SLC6A16: variants seen among roughly 807,000 people sequenced by gnomAD.
SLC6A16 encodes the protein solute carrier family 6 member 16, also known as orphan sodium- and chloride-dependent neurotransmitter transporter NTT5.
A neutral mutation model predicts 65.4 loss-of-function variants in SLC6A16; 54 were observed. The ratio of observed to expected loss-of-function variants is 0.83; its 90% CI spans 0.66 to 1.04. SLC6A16 has a LOEUF of 1.04. SLC6A16 is among the 50% of genes least tolerant of loss of function. SLC6A16 has a pLI of 0.00. For missense variants in SLC6A16, 816 were observed against 914.0 expected (o/e 0.89, Z 1.38); for synonymous variants, 330 against 346.5 (o/e 0.95, Z 0.53).
chr19:49,305,924 A>G (rs1428950833), intron 7 of SLC6A16: 2 of 152,164 alleles, frequency 1.3e-5, no homozygotes, highest in Non-Finnish European at 2.9e-5. Context: ...AACTGGAAAG[A>G]CTCCAAATGT....
At chr19:49,332,688 G>A in the SLC6A16 span, among the ~76,000 whole-genome samples, 12 of 152,154 alleles carry the variant, frequency 7.9e-5, no homozygotes, top group Non-Finnish European at 1.5e-5. Flanking sequence ...CACAAGTTCT[G>A]GGGATTAGGA....
chr19:49,310,439 C>G lies in SLC6A16; in HGVS notation c.487G>C (p.Ala163Pro). ...CCACCCTGACGCATGCTCTGACCAG[C>G]TGCCATCTCCAGGAAGAGAAGAGGA... ...GVPLLFLEMAAGQSMRQGGMG... is the reference protein window; with the variant it reads ...GVPLLFLEMAPGQSMRQGGMG... Residue 163 changes from alanine (A) to proline (P), a missense_variant, in exon 3 of 12, where the codon GCT becomes CCT. Transcript: ENST00000335875. The G allele has an allele frequency of 6.2e-7, 1 of 1,614,126 alleles. No individual in the cohort carries two copies. The highest frequency in any genetic ancestry group is 8.5e-7 in the Non-Finnish European group (1 of 1,180,016).
At chr19:49,339,959 A>G in the SLC6A16 span, 5 of 1,406,260 alleles carry the variant, frequency 3.6e-6, no homozygotes, top group Non-Finnish European at 4.6e-6. This position sits in a 1 kb window ranked among gnomAD's most constrained non-coding sequence, Gnocchi z 4.5. Context: ...GCACAATTAG[A>G]GGCTGAGGCA....
intron 10 of SLC6A16, 45 bp from the exon 11 acceptor site, chr19:49,290,812 C>A: frequency 6.5e-7 from 1 of 1,540,240 alleles, no homozygotes; most frequent in Non-Finnish European, 8.8e-7. Context: ...TTAGGCCTCA[C>A]CACCTTGGAG....
the SLC6A16 span, among the ~76,000 whole-genome samples, chr19:49,339,156 G>C: frequency 6.6e-6 from 1 of 152,086 alleles, no homozygotes; most frequent in African/African-American, 2.4e-5. The surrounding 1 kb of genome is among the most constrained non-coding windows in gnomAD (Gnocchi z 4.5). Context: ...CTAGGGAGGG[G>C]CCAGGCTTGG....
At chr19:49,339,191 G>A in the SLC6A16 span, 2 of 786,660 alleles carry the variant, frequency 2.5e-6, no homozygotes, top group Non-Finnish European at 4.3e-6. This position sits in a 1 kb window ranked among gnomAD's most constrained non-coding sequence, Gnocchi z 4.5. Flanking sequence ...GGGTGCACTA[G>A]TAAGGAGACT....
In SLC6A16 at chr19:49,303,961, C is replaced by T. The variant is rs560431345; in HGVS notation, c.1229+4915G>A. 1.2e-4 allele frequency among the ~76,000 whole-genome samples: 18 copies of T among 152,268 alleles called. No homozygotes were observed. In the East Asian group the frequency reaches 3.5e-3, roughly 29 times the overall value. ...ATAATGGACCTCAGATAGACTTAGCCTAAGAGATACCCCCTTCAAATGTCC... is the reference window on the plus strand; with the variant it reads ...ATAATGGACCTCAGATAGACTTAGCTTAAGAGATACCCCCTTCAAATGTCC... On this transcript the variant is annotated intron_variant, in intron 7 of 11. Coordinates refer to ENST00000335875, the MANE Select transcript of SLC6A16 (RefSeq NM_014037.3).
At chr19:49,296,922 G>C (rs1330564740) in intron 7 of SLC6A16, among the ~76,000 whole-genome samples, 1 of 152,180 alleles carries the variant, frequency 6.6e-6, no homozygotes, top group Non-Finnish European at 1.5e-5. Flanking sequence ...CTGGGAGGCA[G>C]AGGCTGCAGT....
At chr19:49,322,931 C>A (rs1217081112) in intron 1 of SLC6A16, among the ~76,000 whole-genome samples, 1 of 124,146 alleles carries the variant, frequency 8.1e-6, no homozygotes, top group Non-Finnish European at 1.6e-5. Context: ...CCAAAATAAT[C>A]TTGAAAAAGA....
At position 49,309,717 on chromosome 19, in the gene SLC6A16, C is replaced by T; in HGVS notation, c.810G>A (p.Leu270=). The change falls in exon 5 of 12, where the codon CTG becomes CTA. Residue 270 remains leucine (L), a synonymous_variant. Transcript: ENST00000335875. The part of the protein sequence containing the change: ...DGGSPVYSLV[L]PFFLCWCLVG... ...CAAGACACCAGCAAAGAAAGAAGGG[C>T]AGGACCAGACTGTAGACTGGTGACC... The T allele has an allele frequency of 6.2e-7, 1 of 1,614,086 alleles. No individual in the cohort carries two copies. The highest frequency in any genetic ancestry group is 8.5e-7 in the Non-Finnish European group (1 of 1,179,982).
upstream of SLC6A16, among the ~76,000 whole-genome samples, chr19:49,328,543 C>G (rs886888530): frequency 6.6e-6 from 1 of 152,156 alleles, no homozygotes; most frequent in Non-Finnish European, 1.5e-5. Flanking sequence ...TTGATTAGAT[C>G]TGGGTAATAG....
At chr19:49,320,002 G>A (rs353984) in intron 1 of SLC6A16, among the ~76,000 whole-genome samples, 118,939 of 152,000 alleles carry the variant, frequency 0.78, 47,250 homozygotes, top group African/African-American at 0.92. Context: ...TACAAGGGGA[G>A]TTAGAAAATA....
In SLC6A16 at chr19:49,311,360, C is replaced by T; in HGVS notation, c.-13G>A. The T allele has an allele frequency of 6.5e-7, 1 of 1,544,040 alleles. No individual in the cohort carries two copies. The highest frequency in any genetic ancestry group is 8.7e-7 in the Non-Finnish European group (1 of 1,146,182). ...CCTCTGTCTTCATCTCACACAGACT[C>T]TCTGGGGCAGCTCCCGCTTCTGCAA... On this transcript the variant is annotated 5_prime_UTR_variant, in exon 2 of 12. Coordinates refer to ENST00000335875, the MANE Select transcript of SLC6A16 (RefSeq NM_014037.3).
At chr19:49,327,513 G>A (rs915160924), upstream of SLC6A16, among the ~76,000 whole-genome samples, 2 of 152,208 alleles carry the variant, frequency 1.3e-5, no homozygotes, top group Non-Finnish European at 2.9e-5. Context: ...CAAAGGCCCT[G>A]AGGCAGGGCA....
At chr19:49,338,709 T>TGCGGCTGGCACTACC in the SLC6A16 span, 1 of 1,610,980 alleles carries the variant, frequency 6.2e-7, no homozygotes. This position sits in a 1 kb window ranked among gnomAD's most constrained non-coding sequence, Gnocchi z 5.0. Context: ...GCTGCGCTGC[T>TGCGGCTGGCACTACC]GCGGCTGGCA....
At chr19:49,290,493 C>T (rs1373505082) in intron 11 of SLC6A16, 101 bp from the exon 12 acceptor site, 2 of 1,558,764 alleles carry the variant, frequency 1.3e-6, no homozygotes, top group East Asian at 4.5e-5. Flanking sequence ...GCAGAAAACC[C>T]ATGAGTCTTC....
intron 1 of SLC6A16, among the ~76,000 whole-genome samples, chr19:49,317,630 C>A (rs1486715315): frequency 6.6e-6 from 1 of 151,858 alleles, no homozygotes; most frequent in African/African-American, 2.4e-5. Flanking sequence ...CATGGTGAAA[C>A]CCCATCTCTA....
At chr19:49,328,518 AG>A (rs1839839203), upstream of SLC6A16, among the ~76,000 whole-genome samples, 1 of 152,232 alleles carries the variant, frequency 6.6e-6, no homozygotes, top group Admixed American at 6.5e-5. Flanking sequence ...TCTCTAGTCC[AG>A]GCAAGTGATG....
intron 1 of SLC6A16, among the ~76,000 whole-genome samples, chr19:49,322,511 G>A (rs1970727905): frequency 1.3e-5 from 2 of 151,846 alleles, no homozygotes; most frequent in South Asian, 2.1e-4. Context: ...GCACATGCCT[G>A]TAATCCCAGC....
Sources: gnomAD v4.1 joint callset for allele counts (sites outside exome capture counted in the v4.1 genomes callset) on GRCh38, gnomAD v4.1.1 for gene constraint, Gnocchi (gnomAD v3.1) non-coding constraint, MANE v1.5 for transcripts, NCBI Gene and HGNC (gene_info 2026-07-23, HGNC 2026-07-21) for gene names.